VTCN1: variants seen among roughly 807,000 people sequenced by gnomAD.
VTCN1 encodes the protein V-set domain-containing T-cell activation inhibitor 1.
A neutral mutation model predicts 26.5 loss-of-function variants in VTCN1; 26 were observed. The ratio of observed to expected loss-of-function variants is 0.98; its 90% confidence interval spans 0.72 to 1.36. The LOEUF (loss-of-function observed/expected upper bound fraction) is 1.36, where lower values mean the gene tolerates loss of function less well. Ranked by LOEUF, VTCN1 falls within the 40% of genes most tolerant of loss-of-function variation. The probability of loss-of-function intolerance (pLI) is 0.00; values close to 1 mark genes in which losing one functional copy is unlikely to be tolerated. For missense variants in VTCN1, 298 were observed against 337.7 expected (o/e 0.88, Z 0.92); for synonymous variants, 116 against 130.7 (o/e 0.89, Z 0.77).
At chr1:117,148,881 T>A (rs992149150) in intron 4 of VTCN1, among the ~76,000 whole-genome samples, 3 of 152,154 alleles carry the variant, frequency 2.0e-5, no homozygotes, top group African/African-American at 7.2e-5. Flanking sequence ...GCAAGTCTCC[T>A]GCAGGAGCAG....
chr1:117,210,495 T>C (rs1293860604), intron 1 of VTCN1, among the ~76,000 whole-genome samples: 1 of 152,202 alleles, frequency 6.6e-6, no homozygotes, highest in Admixed American at 6.5e-5. Context: ...AGTGTCCCCA[T>C]GGTGCTCACA....
chr1:117,184,084 T>C (rs1387558944), intron 1 of VTCN1, among the ~76,000 whole-genome samples: 1 of 152,176 alleles, frequency 6.6e-6, no homozygotes, highest in East Asian at 1.9e-4. Context: ...ATGGAGATGT[T>C]ATGAATTCAG....
At chr1:117,195,415 T>C (rs1263564769) in intron 1 of VTCN1, among the ~76,000 whole-genome samples, 1 of 152,038 alleles carries the variant, frequency 6.6e-6, no homozygotes, top group Non-Finnish European at 1.5e-5. Context: ...ATTGTGGTAA[T>C]CGTTTCACAA....
intron 4 of VTCN1, among the ~76,000 whole-genome samples, chr1:117,151,382 A>T (rs1651784386): frequency 3.3e-5 from 5 of 152,174 alleles, no homozygotes; most frequent in Admixed American, 3.3e-4. Context: ...TCTTAAAGCT[A>T]GTGTGGACCC....
intron 4 of VTCN1, among the ~76,000 whole-genome samples, chr1:117,152,395 G>T (rs542689180): frequency 1.6e-4 from 24 of 152,190 alleles, no homozygotes; most frequent in African/African-American, 5.8e-4. Flanking sequence ...ATCCAATTTC[G>T]CCCCAGGAAG....
At position 117,184,320 on chromosome 1, in the gene VTCN1, C is replaced by T. The variant is rs998194634; in HGVS notation, c.33-14149G>A. On this transcript the variant is annotated intron_variant, in intron 1 of 5. Coordinates refer to ENST00000369458, the MANE Select transcript of VTCN1 (RefSeq NM_024626.4). Reference sequence around the variant, plus strand: ...AGTCTGGGCAGCACTGGGCTATCTGCGAGGCTGACTGAGCTTGTCCTTCCA... The same window carrying T: ...AGTCTGGGCAGCACTGGGCTATCTGTGAGGCTGACTGAGCTTGTCCTTCCA... 3.9e-5 allele frequency among the ~76,000 whole-genome samples: 6 copies of T among 151,938 alleles called. 1 individual carries two copies. The highest frequency in any genetic ancestry group is 8.8e-5 in the Non-Finnish European group (6 of 68,006).
chr1:117,185,019 T>C (rs535428778), intron 1 of VTCN1, among the ~76,000 whole-genome samples: 1 of 152,252 alleles, frequency 6.6e-6, no homozygotes, highest in Admixed American at 6.5e-5. Context: ...CTGGTACCTC[T>C]AATGCTGCCA....
chr1:117,155,634 G>C lies in VTCN1; in HGVS notation c.445+940C>G, dbSNP rs1275017776. 2.6e-5 allele frequency among the ~76,000 whole-genome samples: 4 copies of C among 152,174 alleles called. No individual in the cohort carries two copies. The highest frequency in any genetic ancestry group is 4.4e-5 in the Non-Finnish European group (3 of 68,034). The stretch of plus-strand genomic sequence containing the variant: ...AGATGAAGAAACTGAGGCTCAGAGA[G>C]ATTGCTTTGCCCAGGCCACTGTACT... On this transcript the variant is annotated intron_variant, in intron 3 of 5. Transcript: ENST00000369458. This position sits in a 1 kb window ranked among gnomAD's most constrained non-coding sequence, Gnocchi z 4.8.
At position 117,189,351 on chromosome 1, in the gene VTCN1, T is replaced by A. The variant is rs78830353; in HGVS notation, c.33-19180A>T. Among the ~76,000 whole-genome samples the A allele has an allele frequency of 7.9e-3, 1,203 of 152,322 alleles. 18 individuals carry two copies. The highest frequency in any genetic ancestry group is 0.027 in the African/African-American group (1,143 of 41,568). ...TGCATGATTTACTCCATTGAACTCG[T>A]AATTGTGAGTTGGAGAATGTGGAGA... On this transcript the variant is annotated intron_variant, in intron 1 of 5. Coordinates refer to ENST00000369458, the MANE Select transcript of VTCN1 (RefSeq NM_024626.4).
rs1651499198 is a variant in VTCN1, at chr1:117,146,299, T to A, written c.*46-1074A>T. On this transcript the variant is annotated intron_variant, in intron 5 of 5. Transcript: ENST00000369458. This position sits in a 1 kb window ranked among gnomAD's most constrained non-coding sequence, Gnocchi z 4.2. Reference sequence around the variant, plus strand: ...AATCTCTGCTGACAACTGTGGAGGATTGGAAATGATGAAAACTGGCGGGTT... The same window carrying A: ...AATCTCTGCTGACAACTGTGGAGGAATGGAAATGATGAAAACTGGCGGGTT... Among the ~76,000 whole-genome samples the A allele has an allele frequency of 6.6e-6, 1 of 152,122 alleles. No homozygotes were observed. Among genetic ancestry groups the A allele is most frequent in the Non-Finnish European group, 1.5e-5 (1 of 68,018 alleles).
chr1:117,199,224 A>AATT (rs34708655), intron 1 of VTCN1, among the ~76,000 whole-genome samples: 1 of 24,920 alleles, frequency 4.0e-5, no homozygotes, highest in East Asian at 8.7e-4. Flanking sequence ...AATTAAACAG[A>AATT]CTTAAGTCTA....
chr1:117,206,999 G>A (rs994820848), intron 1 of VTCN1, among the ~76,000 whole-genome samples: 4 of 152,006 alleles, frequency 2.6e-5, no homozygotes, highest in African/African-American at 9.7e-5. Context: ...ACACAAATAC[G>A]GCCTGTGCTG....
In VTCN1 at chr1:117,146,634, G is replaced by C. The variant is rs1173674385; in HGVS notation, c.*45+979C>G. On this transcript the variant is annotated intron_variant, in intron 5 of 5. Transcript: ENST00000369458. This position sits in a 1 kb window ranked among gnomAD's most constrained non-coding sequence, Gnocchi z 4.2. The stretch of plus-strand genomic sequence containing the variant: ...ATTTCCAGGAAAAGACAGTGAGGGA[G>C]GGAGCAAGACCAGAAAGTAATGGTA... 6.6e-6 allele frequency among the ~76,000 whole-genome samples: 1 copy of C among 152,190 alleles called. No individual in the cohort carries two copies. The highest frequency in any genetic ancestry group is 1.9e-4 in the East Asian group (1 of 5,194).
Position 117,161,609 on chromosome 1 carries a change from A to G in VTCN1, c.98-4688T>C, listed in dbSNP as rs1652374325. Among the ~76,000 whole-genome samples, 1 of 152,214 alleles carries G rather than the reference A, an allele frequency of 6.6e-6. No homozygotes were observed. The highest frequency in any genetic ancestry group is 2.1e-4 in the South Asian group (1 of 4,832). Reference sequence around the variant, plus strand: ...AGCTATGTTTCTGCAGAGAAAAATAATGTTTGCTGAGTTTATGAATAAATG... The same window carrying G: ...AGCTATGTTTCTGCAGAGAAAAATAGTGTTTGCTGAGTTTATGAATAAATG... On this transcript the variant is annotated intron_variant, in intron 2 of 5. Coordinates refer to ENST00000369458, the MANE Select transcript of VTCN1 (RefSeq NM_024626.4). The surrounding 1 kb of genome is among the most constrained non-coding windows in gnomAD (Gnocchi z 4.3).
chr1:117,157,644 A>G (rs1226507311), intron 2 of VTCN1, among the ~76,000 whole-genome samples: 1 of 152,274 alleles, frequency 6.6e-6, no homozygotes, highest in East Asian at 1.9e-4. Context: ...GTGGGGACAC[A>G]GCCAAACCAT....
chr1:117,206,125 G>C (rs1186218453), intron 1 of VTCN1, among the ~76,000 whole-genome samples: 2 of 146,874 alleles, frequency 1.4e-5, no homozygotes, highest in African/African-American at 5.0e-5. Context: ...ACAACAAAAG[G>C]TGTGGTGGAC....
At position 117,161,628 on chromosome 1, in the gene VTCN1, A is replaced by G. The variant is rs1652375071; in HGVS notation, c.98-4707T>C. Reference sequence around the variant, plus strand: ...AAAATAATGTTTGCTGAGTTTATGAATAAATGAATAAATAAATGGAAATCA... The same window carrying G: ...AAAATAATGTTTGCTGAGTTTATGAGTAAATGAATAAATAAATGGAAATCA... On this transcript the variant is annotated intron_variant, in intron 2 of 5. Transcript: ENST00000369458. The surrounding 1 kb of genome is among the most constrained non-coding windows in gnomAD (Gnocchi z 4.3). Among the ~76,000 whole-genome samples, 1 of 152,208 alleles carries G rather than the reference A, an allele frequency of 6.6e-6. No individual in the cohort carries two copies.
At chr1:117,204,549 C>T (rs1648945914) in intron 1 of VTCN1, among the ~76,000 whole-genome samples, 2 of 152,028 alleles carry the variant, frequency 1.3e-5, no homozygotes, top group African/African-American at 4.8e-5. Context: ...AGCTAGGGTC[C>T]CTGGGCAATA....
chr1:117,156,587 C>T lies in VTCN1; in HGVS notation c.432G>A (p.Glu144=), dbSNP rs145258697. The T allele has an allele frequency of 1.9e-6, 3 of 1,588,096 alleles. No individual in the cohort carries two copies. The African/African-American group carries it at 4.0e-5, about 21-fold the overall frequency. The part of the protein sequence containing the change: ...TSKGKGNANL[E]YKTGAFSMPE... ...AAAGTAACTCACCTCCAGTTTTATA[C>T]TCAAGGTTAGCATTCCCCTTGCCTT... The change falls in exon 3 of 6, where the codon GAG becomes GAA. Residue 144 remains glutamate, a synonymous_variant. Transcript: ENST00000369458.
Sources: gnomAD v4.1 joint callset for allele counts (sites outside exome capture counted in the v4.1 genomes callset) on GRCh38, gnomAD v4.1.1 for gene constraint, Gnocchi (gnomAD v3.1) non-coding constraint, MANE v1.5 for transcripts, NCBI Gene and HGNC (gene_info 2026-07-23, HGNC 2026-07-21) for gene names.